The following JAK2 variants were observed in gnomAD, a reference collection of about 807,000 sequenced individuals.
The protein encoded by JAK2 is Janus kinase 2, also known as tyrosine-protein kinase JAK2.
JAK2 carries 86 observed loss-of-function variants against 139.3 expected under a neutral mutation model. The observed-to-expected ratio is 0.62, with a 90% CI of 0.52 to 0.74. JAK2 has a LOEUF of 0.74. JAK2 is among the 30% of genes least tolerant of loss of function. JAK2 has a pLI of 0.00. For missense variants in JAK2, 1,421 were observed against 1,360.3 expected (o/e 1.04, Z -0.70); for synonymous variants, 490 against 437.7 (o/e 1.12, Z -1.49).
intron 4 of JAK2, among the ~76,000 whole-genome samples, chr9:5,033,393 C>T (rs1008581195): frequency 1.3e-5 from 2 of 152,116 alleles, no homozygotes; most frequent in Non-Finnish European, 2.9e-5. Context: ...GAGAGAACGC[C>T]ACAAAGATAC....
rs1417651999 is a variant in JAK2 at position 5,090,544 on chromosome 9, C to G, written c.2860C>G (p.Leu954Val). 6.3e-7 allele frequency: 1 copy of G among 1,592,956 alleles called. No homozygotes were observed. Residue 954 changes from leucine to valine, a missense_variant, in exon 21 of 25, where the codon CTG becomes GTG. By Grantham distance (32) the Leu-to-Val change is conservative (BLOSUM62 1). Coordinates refer to ENST00000381652, the MANE Select transcript of JAK2 (RefSeq NM_004972.4). ...HKERIDHIKLLQYTSQICKGM... is the reference protein window; with the variant it reads ...HKERIDHIKLVQYTSQICKGM... Reference sequence around the variant, plus strand: ...AGAACGGATAGATCACATAAAACTTCTGCAGTACACATCTCAGATATGCAA... The same window carrying G: ...AGAACGGATAGATCACATAAAACTTGTGCAGTACACATCTCAGATATGCAA...
At chr9:5,083,198 C>G (rs1819834569) in intron 19 of JAK2, among the ~76,000 whole-genome samples, 1 of 140,908 alleles carries the variant, frequency 7.1e-6, no homozygotes, top group East Asian at 2.0e-4. Context: ...TTAGTTATCT[C>G]AGGGAGAATT....
At chr9:5,125,681 T>G (rs1476030430) in intron 23 of JAK2, among the ~76,000 whole-genome samples, 1 of 99,434 alleles carries the variant, frequency 1.0e-5, no homozygotes, top group Non-Finnish European at 2.0e-5. Flanking sequence ...TATGTACTTT[T>G]GCCAAGTTGA....
intron 4 of JAK2, among the ~76,000 whole-genome samples, chr9:5,038,814 G>C (rs1178930286): frequency 6.6e-6 from 1 of 152,016 alleles, no homozygotes; most frequent in East Asian, 1.9e-4. Flanking sequence ...ACTATGACCA[G>C]GTGGGATTTA....
chr9:5,073,465 C>A (rs1819106072), intron 13 of JAK2, among the ~76,000 whole-genome samples: 1 of 152,090 alleles, frequency 6.6e-6, no homozygotes, highest in South Asian at 2.1e-4. Flanking sequence ...ATTCCTGTAC[C>A]ACTCTTGCTC....
Position 5,129,172 on chromosome 9 carries a change from T to TA in JAK2, c.*2382dup, listed in dbSNP as rs1824186790. Among the ~76,000 whole-genome samples, 1 of 152,122 alleles carries TA rather than the reference T, an allele frequency of 6.6e-6. No individual in the cohort carries two copies. Among genetic ancestry groups the TA allele is most frequent in the African/African-American group, 2.4e-5 (1 of 41,458 alleles). ...GAGTTAGCAAATACCTACAGTTCTG[T>TA]ATCTATAGAGCCAATCTTGATGGTG... On this transcript the variant is annotated 3_prime_UTR_variant, in exon 25 of 25. Transcript: ENST00000381652.
At position 5,090,912 on chromosome 9, in the gene JAK2, G is replaced by T; in HGVS notation, c.3059+1G>T. On this transcript the variant is annotated splice_donor_variant, in intron 22 of 24. Transcript: ENST00000381652. LOFTEE classifies it high-confidence loss of function. ...AACCTGGTGAAAGTCCCATATTCTG[G>T]TGAGTATATTTCAGTATGATAAATG... 6.3e-7 allele frequency: 1 copy of T among 1,586,258 alleles called. No homozygotes were observed. The highest frequency in any genetic ancestry group is 8.6e-7 in the Non-Finnish European group (1 of 1,165,536).
At position 5,081,771 on chromosome 9, in the gene JAK2, A is replaced by G; in HGVS notation, c.2481A>G (p.Ile827Met). 6.2e-7 allele frequency: 1 copy of G among 1,602,166 alleles called. No individual in the cohort carries two copies. Among genetic ancestry groups the G allele is most frequent in the East Asian group, 2.2e-5 (1 of 44,818 alleles). ...TENDMLPNMR[I>M]GALGFSGAFE... is the part of the protein sequence containing the mutation. ...ATGACATGTTACCAAATATGAGGATAGGTGCCCTGGGGTTTTCTGGTGCCT... is the reference window on the plus strand; with the variant it reads ...ATGACATGTTACCAAATATGAGGATGGGTGCCCTGGGGTTTTCTGGTGCCT... Residue 827 changes from isoleucine to methionine, a missense_variant, in exon 19 of 25, where the codon ATA becomes ATG. Ile to Met is a conservative substitution (Grantham distance 10). Transcript: ENST00000381652.
intron 2 of JAK2, among the ~76,000 whole-genome samples, chr9:4,995,404 C>T (rs765536506): frequency 1.3e-5 from 2 of 152,126 alleles, no homozygotes; most frequent in Admixed American, 1.3e-4. Flanking sequence ...GAGATTCTCC[C>T]TTGTTTTCTT....
intron 6 of JAK2, among the ~76,000 whole-genome samples, chr9:5,051,754 T>C (rs1455962124): frequency 6.6e-6 from 1 of 152,192 alleles, no homozygotes; most frequent in African/African-American, 2.4e-5. Flanking sequence ...TTTTTGAAAT[T>C]GTTCTCCCAA....
At chr9:5,044,356 T>C (rs1816841571) in intron 4 of JAK2, 47 bp from the exon 5 acceptor site, 1 of 1,159,200 alleles carries the variant, frequency 8.6e-7, no homozygotes, top group Non-Finnish European at 1.3e-6. Context: ...AGTACGTTTG[T>C]ATTTGAACTA....
intron 2 of JAK2, among the ~76,000 whole-genome samples, chr9:4,998,528 T>A (rs1483767384): frequency 6.6e-6 from 1 of 152,148 alleles, no homozygotes; most frequent in Non-Finnish European, 1.5e-5. Context: ...GTGCTGGGAT[T>A]ACAGGCATGA....
At position 5,003,210 on chromosome 9, in the gene JAK2, G is replaced by GT. The variant is rs556276830; in HGVS notation, c.-26+17193dup. ...TTGTTTTGGCTATTGTAAATCCTTT[G>GT]TTTTTCACAGACTTTAGGATCAACT... On this transcript the variant is annotated intron_variant, in intron 2 of 24. Coordinates refer to ENST00000381652, the MANE Select transcript of JAK2 (RefSeq NM_004972.4). Among the ~76,000 whole-genome samples the GT allele has an allele frequency of 6.3e-3, 961 of 151,904 alleles. 16 individuals carry two copies. Among genetic ancestry groups the GT allele is most frequent in the African/African-American group, 0.022 (931 of 41,496 alleles).
intron 9 of JAK2, 50 bp from the exon 10 acceptor site, chr9:5,066,628 A>T: frequency 9.9e-7 from 1 of 1,012,990 alleles, no homozygotes; most frequent in East Asian, 2.4e-5. Flanking sequence ...CTTGGTCATA[A>T]TATTATGGTG....
At chr9:5,104,708 C>T (rs553149144) in intron 22 of JAK2, among the ~76,000 whole-genome samples, 1 of 152,210 alleles carries the variant, frequency 6.6e-6, no homozygotes, top group East Asian at 1.9e-4. Context: ...AGCTTATCAA[C>T]CACGATCAAG....
At chr9:5,107,846 GC>G (rs1822095030) in intron 22 of JAK2, 2 of 152,076 alleles carry the variant, frequency 1.3e-5, no homozygotes, top group African/African-American at 4.8e-5. Flanking sequence ...TGCCTGTGAA[GC>G]CGCAGTGGGC....
chr9:5,120,017 C>G (rs1823493247), intron 22 of JAK2, among the ~76,000 whole-genome samples: 1 of 152,004 alleles, frequency 6.6e-6, no homozygotes, highest in Non-Finnish European at 1.5e-5. Context: ...AACAGAATAC[C>G]TGAAAATGGA....
At position 5,112,463 on chromosome 9, in the gene JAK2, C is replaced by T. The variant is rs185883220; in HGVS notation, c.3060-10541C>T. The T allele has an allele frequency of 1.0e-3, 557 of 543,880 alleles. 2 individuals carry two copies. Among genetic ancestry groups the T allele is most frequent in the Non-Finnish European group, 1.6e-3 (465 of 299,530 alleles). 33.7% of individuals were successfully genotyped at this position (543,880 alleles called of 1,614,324 possible). On this transcript the variant is annotated intron_variant, in intron 22 of 24. Coordinates refer to ENST00000381652, the MANE Select transcript of JAK2 (RefSeq NM_004972.4). ...GAGGAGAAGAAGGAGCTGAAGGACC[C>T]CCGGGACCGGACCAGCCCAGACAAG... is the stretch of plus-strand genomic sequence containing the variant.
chr9:5,111,252 G>A (rs919281249), intron 22 of JAK2: 9 of 515,036 alleles, frequency 1.7e-5, no homozygotes, highest in Non-Finnish European at 3.0e-5. Context: ...TGGTAGAGAC[G>A]CAGGCGTGCG....
Sources: allele counts gnomAD v4.1 joint callset (sites outside exome capture counted in the v4.1 genomes callset), GRCh38; gene constraint gnomAD v4.1.1; transcripts MANE v1.5; gene names NCBI Gene and HGNC (gene_info 2026-07-23, HGNC 2026-07-21).